The following CCDC73 variants were observed in gnomAD, a reference collection of about 807,000 sequenced individuals.
CCDC73 encodes the protein coiled-coil domain containing 73.
A neutral mutation model predicts 116.5 loss-of-function variants in CCDC73; 95 were observed. The ratio of observed to expected loss-of-function variants is 0.82; its 90% CI spans 0.69 to 0.97. CCDC73 has a LOEUF of 0.97. Ranked by LOEUF, CCDC73 falls within the 50% of genes least tolerant of loss-of-function variation. The pLI is 0.00. For synonymous variants in CCDC73, 398 were observed against 401.3 expected (o/e 0.99, Z 0.10); for missense variants, 1,066 against 1,206.8 (o/e 0.88, Z 1.73).
At chr11:32,773,533 AT>A (rs1217780194) in intron 1 of CCDC73, among the ~76,000 whole-genome samples, 11 of 152,230 alleles carry the variant, frequency 7.2e-5, no homozygotes, top group Admixed American at 3.3e-4. Flanking sequence ...TAATCTCAGA[AT>A]TTTGGAAGGT....
chr11:32,639,273 T>C (rs1161225968), intron 13 of CCDC73, among the ~76,000 whole-genome samples: 1 of 152,158 alleles, frequency 6.6e-6, no homozygotes, highest in African/African-American at 2.4e-5. Flanking sequence ...CATAGTACTT[T>C]GTTAATAATG....
chr11:32,673,410 A>G (rs887552556), intron 9 of CCDC73, among the ~76,000 whole-genome samples: 1 of 152,076 alleles, frequency 6.6e-6, no homozygotes, highest in African/African-American at 2.4e-5. Context: ...ATATTAAATT[A>G]TATTAAAATA....
chr11:32,658,133 A>G (rs1033228562), intron 9 of CCDC73, among the ~76,000 whole-genome samples: 12 of 151,780 alleles, frequency 7.9e-5, no homozygotes, highest in African/African-American at 2.7e-4. Flanking sequence ...TCATTCCCTT[A>G]TCTCTTCAGG....
At chr11:32,648,011 A>C (rs1479735166) in intron 12 of CCDC73, among the ~76,000 whole-genome samples, 1 of 152,090 alleles carries the variant, frequency 6.6e-6, no homozygotes, top group Non-Finnish European at 1.5e-5. Context: ...CCTTCCCCCC[A>C]AACCTCAGCT....
chr11:32,795,815 G>T (rs904012886), upstream of CCDC73, among the ~76,000 whole-genome samples: 1 of 151,522 alleles, frequency 6.6e-6, no homozygotes, highest in South Asian at 2.1e-4. Flanking sequence ...TCAGCCTCCC[G>T]AGTAGCTGGG....
chr11:32,785,262 A>G (rs1414858172), intron 1 of CCDC73, among the ~76,000 whole-genome samples: 1 of 152,236 alleles, frequency 6.6e-6, no homozygotes, highest in Non-Finnish European at 1.5e-5. Flanking sequence ...TTTTAATTTT[A>G]TGTAAATGTA....
chr11:32,715,489 G>A (rs1378055490), intron 3 of CCDC73, among the ~76,000 whole-genome samples: 1 of 127,286 alleles, frequency 7.9e-6, no homozygotes, highest in African/African-American at 2.7e-5. Context: ...AGGAAAAACT[G>A]ATACACACGC....
chr11:32,687,595 T>C (rs368687614), intron 6 of CCDC73, among the ~76,000 whole-genome samples: 21 of 147,708 alleles, frequency 1.4e-4, no homozygotes, highest in East Asian at 4.8e-4. Context: ...TGCAAATTAA[T>C]GGTTTTCAAT....
intron 2 of CCDC73, among the ~76,000 whole-genome samples, chr11:32,718,531 A>G (rs1849964546): frequency 6.6e-6 from 1 of 152,204 alleles, no homozygotes; most frequent in African/African-American, 2.4e-5. Flanking sequence ...CTTTTCTTCT[A>G]GGAAACCCAC....
At chr11:32,732,737 C>A (rs1850090750) in intron 2 of CCDC73, among the ~76,000 whole-genome samples, 1 of 152,134 alleles carries the variant, frequency 6.6e-6, no homozygotes, top group African/African-American at 2.4e-5. Context: ...TTGTCACCAC[C>A]AGGCCTGCCT....
intron 2 of CCDC73, among the ~76,000 whole-genome samples, chr11:32,724,303 G>C: frequency 6.6e-6 from 1 of 152,090 alleles, no homozygotes; most frequent in East Asian, 1.9e-4. Context: ...CAAATTTAAT[G>C]TGCCCTTTCT....
the CCDC73 span, among the ~76,000 whole-genome samples, chr11:32,803,183 T>C: frequency 1.3e-5 from 2 of 152,184 alleles, no homozygotes; most frequent in Non-Finnish European, 2.9e-5. Flanking sequence ...AACCTCTTCC[T>C]CCCAGGTTCA....
chr11:32,641,831 T>C (rs891350876), intron 13 of CCDC73, 141 bp downstream of exon 13: 2 of 620,352 alleles, frequency 3.2e-6, no homozygotes, highest in African/African-American at 1.9e-5. Flanking sequence ...ATTCACCTTT[T>C]TGGAAATATG....
At chr11:32,724,175 T>A (rs1318966204) in intron 2 of CCDC73, among the ~76,000 whole-genome samples, 1 of 152,152 alleles carries the variant, frequency 6.6e-6, no homozygotes, top group African/African-American at 2.4e-5. Context: ...TACCACATAT[T>A]ATACCATTAA....
chr11:32,699,879 A>AATAT (rs147171468), intron 5 of CCDC73, among the ~76,000 whole-genome samples: 12 of 57,404 alleles, frequency 2.1e-4, no homozygotes, highest in Non-Finnish European at 2.6e-4. Flanking sequence ...TAGATTAAAA[A>AATAT]ATATATATAT....
chr11:32,732,307 G>C (rs1008279117), intron 2 of CCDC73, among the ~76,000 whole-genome samples: 1 of 152,232 alleles, frequency 6.6e-6, no homozygotes, highest in Non-Finnish European at 1.5e-5. Flanking sequence ...GTACCTGAAA[G>C]TGATGGGGAG....
At chr11:32,801,829 G>C in the CCDC73 span, among the ~76,000 whole-genome samples, 1 of 152,152 alleles carries the variant, frequency 6.6e-6, no homozygotes, top group African/African-American at 2.4e-5. Flanking sequence ...GAAATGTTGA[G>C]TCTGAAGCTT....
chr11:32,642,907 AC>A (rs1403979456), intron 12 of CCDC73, among the ~76,000 whole-genome samples: 1 of 151,732 alleles, frequency 6.6e-6, no homozygotes, highest in Non-Finnish European at 1.5e-5. Flanking sequence ...TCAGTTTTCC[AC>A]CCCAGAAGTA....
In CCDC73 at chr11:32,613,721, G is replaced by C. The variant is rs1427162803; in HGVS notation, c.2597C>G (p.Ser866Ter). The C allele has an allele frequency of 6.2e-7, 1 of 1,614,050 alleles. No individual in the cohort carries two copies. The highest frequency in any genetic ancestry group is 1.7e-5 in the Admixed American group (1 of 60,026). Residue 866 changes from serine to a stop codon, truncating the protein, a stop_gained, in exon 16 of 18, where the codon TCA becomes TGA. Coordinates refer to ENST00000335185, the MANE Select transcript of CCDC73 (RefSeq NM_001008391.4). LOFTEE classifies it high-confidence loss of function. Reference protein sequence around the residue: ...KMFSEGQLEESHSFHIEPSGD... With the variant: ...KMFSEGQLEE ...AGATGGCTCTATGTGAAATGAATGT[G>C]ATTCCTCCAGCTGTCCTTCACTGAA...
Sources: allele counts gnomAD v4.1 joint callset (sites outside exome capture counted in the v4.1 genomes callset), GRCh38; gene constraint gnomAD v4.1.1; transcripts MANE v1.5; gene names NCBI Gene and HGNC (gene_info 2026-07-23, HGNC 2026-07-21).